The following TAOK3 variants were observed in gnomAD, a reference collection of about 807,000 sequenced individuals.
The protein encoded by TAOK3 is serine/threonine-protein kinase TAO3.
A neutral mutation model predicts 120.4 loss-of-function variants in TAOK3; 40 were observed. The ratio of observed to expected loss-of-function variants is 0.33; its 90% CI spans 0.26 to 0.43. TAOK3 has a LOEUF of 0.43. Among genes scored for constraint, TAOK3 ranks in the 20% least tolerant of loss-of-function variants. TAOK3 has a pLI of 1.00. For missense variants in TAOK3, 821 were observed against 1,112.1 expected (o/e 0.74, Z 3.72); for synonymous variants, 355 against 387.5 (o/e 0.92, Z 0.99).
chr12:118,298,550 T>G (rs559042942), intron 1 of TAOK3, among the ~76,000 whole-genome samples: 1 of 152,338 alleles, frequency 6.6e-6, no homozygotes, highest in East Asian at 1.9e-4. Flanking sequence ...TGGATTCTTG[T>G]GTTTTGAGAT....
At chr12:118,358,652 TA>T (rs1217602694) in intron 1 of TAOK3, among the ~76,000 whole-genome samples, 1 of 152,206 alleles carries the variant, frequency 6.6e-6, no homozygotes, top group Non-Finnish European at 1.5e-5. Flanking sequence ...GCATTTACCT[TA>T]GTTATTCAGG....
At chr12:118,186,583 C>T (rs577575916) in intron 14 of TAOK3, among the ~76,000 whole-genome samples, 1 of 152,230 alleles carries the variant, frequency 6.6e-6, no homozygotes, top group South Asian at 2.1e-4. Context: ...ACTATATAAA[C>T]AACTTTTTTC....
At chr12:118,193,451 C>T (rs2037542982) in intron 13 of TAOK3, among the ~76,000 whole-genome samples, 3 of 152,164 alleles carry the variant, frequency 2.0e-5, no homozygotes, top group African/African-American at 7.2e-5. Flanking sequence ...AATTTCTATA[C>T]AAGAGTGAAA....
At chr12:118,281,814 G>A (rs955339586) in intron 1 of TAOK3, among the ~76,000 whole-genome samples, 1 of 151,920 alleles carries the variant, frequency 6.6e-6, no homozygotes, top group Non-Finnish European at 1.5e-5. Flanking sequence ...AGTAATATAT[G>A]TGCTTCTTTA....
intron 13 of TAOK3, among the ~76,000 whole-genome samples, chr12:118,194,634 T>C (rs980099879): frequency 7.1e-6 from 1 of 141,462 alleles, no homozygotes; most frequent in African/African-American, 2.6e-5. Flanking sequence ...TTTTTTTTTT[T>C]ATCCCGCAAA....
intron 8 of TAOK3, among the ~76,000 whole-genome samples, chr12:118,234,907 T>C (rs888250300): frequency 6.6e-6 from 1 of 152,210 alleles, no homozygotes; most frequent in East Asian, 1.9e-4. Flanking sequence ...TGAACAGAAC[T>C]GTACTCTATT....
At position 118,181,402 on chromosome 12, in the gene TAOK3, G is replaced by A; in HGVS notation, c.1535C>T (p.Ala512Val). ...TTCTATGATAGCCACTTGCTTCTTG[G>A]CCAGCTTCTCCAGCTCGATGGACGA... Reference protein sequence around the residue: ...NNSSIELEKLAKKQVAIIEKE... With the variant: ...NNSSIELEKLVKKQVAIIEKE... The change falls in exon 15 of 21, where the codon GCC becomes GTC. Residue 512 changes from alanine to valine, a missense_variant. Around this residue, in one of 2 missense-constraint regions of TAOK3, gnomAD observed 354 missense variants for 572.1 expected, o/e 0.62. Coordinates refer to ENST00000392533, the MANE Select transcript of TAOK3 (RefSeq NM_016281.4). The A allele has an allele frequency of 6.2e-7, 1 of 1,614,014 alleles. No homozygotes were observed. Among genetic ancestry groups the A allele is most frequent in the Non-Finnish European group, 8.5e-7 (1 of 1,179,940 alleles).
intron 9 of TAOK3, among the ~76,000 whole-genome samples, chr12:118,227,213 T>C (rs1460782637): frequency 1.3e-5 from 2 of 149,544 alleles, no homozygotes; most frequent in African/African-American, 4.9e-5. Context: ...ATAAGGAAAA[T>C]TTTGGTTTAT....
intron 12 of TAOK3, 128 bp from the exon 13 acceptor site, chr12:118,199,385 CTT>C: frequency 1.4e-6 from 1 of 700,936 alleles, no homozygotes; most frequent in South Asian, 1.7e-5. Flanking sequence ...CAAAGACAAA[CTT>C]TTTATGTACT....
intron 1 of TAOK3, among the ~76,000 whole-genome samples, chr12:118,294,389 T>C (rs1593442637): frequency 1.3e-5 from 2 of 152,010 alleles, no homozygotes; most frequent in African/African-American, 4.8e-5. Flanking sequence ...TCTTTTCTTT[T>C]TTTTTTCTTT....
At chr12:118,251,705 G>C (rs537585860) in intron 3 of TAOK3, among the ~76,000 whole-genome samples, 1 of 152,326 alleles carries the variant, frequency 6.6e-6, no homozygotes, top group African/African-American at 2.4e-5. Context: ...GTCTTCTGCA[G>C]CCTAGTACAA....
At chr12:118,237,994 G>T in intron 7 of TAOK3, 79 bp downstream of exon 7, 2 of 911,642 alleles carry the variant, frequency 2.2e-6, no homozygotes, top group South Asian at 1.7e-5. Context: ...CTAAAAATTG[G>T]AGCATGCACT....
chr12:118,274,052 G>A (rs967967623), intron 1 of TAOK3, among the ~76,000 whole-genome samples: 4 of 151,822 alleles, frequency 2.6e-5, no homozygotes, highest in South Asian at 2.1e-4. Context: ...AGGACTAGTC[G>A]AGTATTTGGT....
At chr12:118,183,538 A>C (rs1486401003) in intron 14 of TAOK3, among the ~76,000 whole-genome samples, 2 of 152,216 alleles carry the variant, frequency 1.3e-5, no homozygotes, top group African/African-American at 4.8e-5. Flanking sequence ...TTATTATCAG[A>C]AAATGTGTTT....
At chr12:118,184,610 T>C (rs1001681928) in intron 14 of TAOK3, among the ~76,000 whole-genome samples, 1 of 152,114 alleles carries the variant, frequency 6.6e-6, no homozygotes, top group African/African-American at 2.4e-5. Context: ...TATAAAGTAA[T>C]AGAGGGAATC....
intron 1 of TAOK3, among the ~76,000 whole-genome samples, chr12:118,275,859 G>C (rs1048713862): frequency 1.3e-5 from 2 of 152,170 alleles, no homozygotes; most frequent in Non-Finnish European, 2.9e-5. Context: ...GTTGAGTAGA[G>C]ACCTGAAAGA....
At chr12:118,369,257 T>C (rs2045833379) in intron 1 of TAOK3, among the ~76,000 whole-genome samples, 1 of 152,136 alleles carries the variant, frequency 6.6e-6, no homozygotes, top group South Asian at 2.1e-4. Context: ...TAGCTTCTCG[T>C]AGTATAGTTT....
chr12:118,339,552 A>G (rs1381252375), intron 1 of TAOK3, among the ~76,000 whole-genome samples: 1 of 150,802 alleles, frequency 6.6e-6, no homozygotes, highest in Non-Finnish European at 1.5e-5. Context: ...AGAGATATTT[A>G]TTAAGCATTT....
At chr12:118,271,322 C>G (rs923850878) in intron 1 of TAOK3, among the ~76,000 whole-genome samples, 1 of 152,114 alleles carries the variant, frequency 6.6e-6, no homozygotes, top group Admixed American at 6.6e-5. Flanking sequence ...TACCCTTTAG[C>G]TATTACCCCA....
Sources: gnomAD v4.1 joint callset for allele counts (sites outside exome capture counted in the v4.1 genomes callset) on GRCh38, gnomAD v4.1.1 for gene constraint, gnomAD v4.1.1 regional missense constraint, MANE v1.5 for transcripts, NCBI Gene and HGNC (gene_info 2026-07-23, HGNC 2026-07-21) for gene names.